EPHB1: variants seen among roughly 807,000 people sequenced by gnomAD.
The protein encoded by EPHB1 is ephrin type-B receptor 1.
Under a neutral mutation model 94.4 loss-of-function variants are expected in EPHB1, and 30 were observed. The observed-to-expected ratio is 0.32, with a 90% CI of 0.24 to 0.43. EPHB1 has a LOEUF of 0.43. Ranked by LOEUF, EPHB1 falls within the 20% of genes least tolerant of loss-of-function variation. The pLI is 1.00. For synonymous variants in EPHB1, 522 were observed against 489.1 expected, an observed-to-expected ratio of 1.07 and a Z score of -0.89; for missense variants, 1,055 against 1,308.3, an observed-to-expected ratio of 0.81 and a Z score of 2.99.
chr3:135,234,228 G>A (rs1331555635), intron 12 of EPHB1, among the ~76,000 whole-genome samples: 5 of 152,218 alleles, frequency 3.3e-5, no homozygotes, highest in East Asian at 1.9e-4. Flanking sequence ...TCTCTCTCAA[G>A]TTCAAATTTC....
chr3:135,139,560 C>G (rs776096144), intron 5 of EPHB1, among the ~76,000 whole-genome samples: 12 of 152,182 alleles, frequency 7.9e-5, no homozygotes, highest in Non-Finnish European at 1.2e-4. Flanking sequence ...GCAAACATAA[C>G]AGACAAAAAT....
At chr3:135,196,267 T>C (rs1385831443) in intron 11 of EPHB1, among the ~76,000 whole-genome samples, 2 of 152,174 alleles carry the variant, frequency 1.3e-5, no homozygotes, top group Non-Finnish European at 2.9e-5. Flanking sequence ...TGCGAAAATT[T>C]TCTCCCATTT....
intron 3 of EPHB1, among the ~76,000 whole-genome samples, chr3:135,004,506 G>A (rs1402287088): frequency 2.0e-5 from 3 of 152,264 alleles, no homozygotes; most frequent in East Asian, 3.9e-4. Context: ...ACGTTGGCCT[G>A]CCTTGCTAGA....
intron 2 of EPHB1, among the ~76,000 whole-genome samples, chr3:134,933,010 G>A (rs1021414430): frequency 2.0e-5 from 3 of 152,144 alleles, no homozygotes; most frequent in Non-Finnish European, 4.4e-5. Flanking sequence ...TATCTGTCAT[G>A]ACTTTTTGGT....
intron 1 of EPHB1, among the ~76,000 whole-genome samples, chr3:134,917,528 A>G (rs1252282308): frequency 1.3e-5 from 2 of 152,202 alleles, no homozygotes; most frequent in Non-Finnish European, 2.9e-5. Flanking sequence ...TGACCCATCT[A>G]AGCTGCGTCT....
At chr3:134,978,408 CCT>C (rs1167784699) in intron 3 of EPHB1, among the ~76,000 whole-genome samples, 2 of 152,174 alleles carry the variant, frequency 1.3e-5, no homozygotes, top group Non-Finnish European at 2.9e-5. Flanking sequence ...GAAAACCCTG[CCT>C]TAGCACCAGG....
chr3:135,136,866 C>T (rs796443892), intron 5 of EPHB1, among the ~76,000 whole-genome samples: 1 of 152,308 alleles, frequency 6.6e-6, no homozygotes, highest in African/African-American at 2.4e-5. Context: ...CTGAATACAG[C>T]TGCCATGAGT....
chr3:134,964,271 G>GAACCAGATGGAGGCAGT (rs1425826268), intron 3 of EPHB1, among the ~76,000 whole-genome samples: 4 of 152,334 alleles, frequency 2.6e-5, no homozygotes, highest in African/African-American at 9.6e-5. Context: ...GATGATGGCA[G>GAACCAGATGGAGGCAGT]AACCAGATGG....
intron 13 of EPHB1, among the ~76,000 whole-genome samples, chr3:135,245,216 C>T (rs2107729744): frequency 6.6e-6 from 1 of 152,296 alleles, no homozygotes; most frequent in Non-Finnish European, 1.5e-5. Context: ...GCGCTGTGCT[C>T]AACACGCATC....
At chr3:134,811,580 C>G (rs2036181396) in intron 1 of EPHB1, among the ~76,000 whole-genome samples, 1 of 152,012 alleles carries the variant, frequency 6.6e-6, no homozygotes, top group Non-Finnish European at 1.5e-5. Context: ...CTGACCACCC[C>G]ACACCCTGTG....
intron 1 of EPHB1, among the ~76,000 whole-genome samples, chr3:134,839,626 A>T (rs558177757): frequency 6.6e-6 from 1 of 152,004 alleles, no homozygotes; most frequent in African/African-American, 2.4e-5. Context: ...CTGAGTCATG[A>T]CCTCCTGCCA....
chr3:135,163,834 G>T (rs960743512), intron 7 of EPHB1, among the ~76,000 whole-genome samples: 1 of 152,178 alleles, frequency 6.6e-6, no homozygotes, highest in African/African-American at 2.4e-5. Flanking sequence ...TACGACTGAG[G>T]TTCACACATG....
chr3:134,929,895 T>C (rs2038872372), intron 2 of EPHB1, among the ~76,000 whole-genome samples: 1 of 152,102 alleles, frequency 6.6e-6, no homozygotes. Flanking sequence ...TGAGACCTAG[T>C]ATGGAGAAGA....
intron 13 of EPHB1, among the ~76,000 whole-genome samples, chr3:135,245,799 C>CCAT (rs1943907578): frequency 7.8e-6 from 1 of 128,980 alleles, no homozygotes; most frequent in African/African-American, 3.1e-5. Flanking sequence ...GAGCGAGACA[C>CCAT]CATCTCAAAA....
intron 3 of EPHB1, among the ~76,000 whole-genome samples, chr3:134,955,184 G>T (rs1270375939): frequency 4.3e-5 from 2 of 46,844 alleles, no homozygotes; most frequent in Admixed American, 5.8e-4. Context: ...GTATACATGT[G>T]CCATGCTGGT....
intron 1 of EPHB1, among the ~76,000 whole-genome samples, chr3:134,828,863 A>G (rs1222958384): frequency 6.6e-6 from 1 of 152,176 alleles, no homozygotes; most frequent in East Asian, 1.9e-4. Flanking sequence ...AGTTAAAAAG[A>G]TGCCACCCCA....
At chr3:135,164,299 C>A (rs1426983212) in intron 7 of EPHB1, among the ~76,000 whole-genome samples, 1 of 152,176 alleles carries the variant, frequency 6.6e-6, no homozygotes, top group Non-Finnish European at 1.5e-5. Context: ...GAACCAATAT[C>A]CTTGTTCTTA....
intron 13 of EPHB1, among the ~76,000 whole-genome samples, chr3:135,245,194 T>C (rs1183745616): frequency 6.6e-6 from 1 of 152,224 alleles, no homozygotes; most frequent in Non-Finnish European, 1.5e-5. Flanking sequence ...GGATTCATCC[T>C]ACTACTCATC....
At chr3:135,193,192 C>T (rs1310315588) in intron 11 of EPHB1, among the ~76,000 whole-genome samples, 1 of 152,220 alleles carries the variant, frequency 6.6e-6, no homozygotes, top group African/African-American at 2.4e-5. Flanking sequence ...TTCATCAGCA[C>T]AGCCACCCTC....
Sources: allele counts gnomAD v4.1 joint callset (sites outside exome capture counted in the v4.1 genomes callset), GRCh38; gene constraint gnomAD v4.1.1; transcripts MANE v1.5; gene names NCBI Gene and HGNC (gene_info 2026-07-23, HGNC 2026-07-21).